The following OTUD7A variants were observed in gnomAD, a reference collection of about 807,000 sequenced individuals.
OTUD7A encodes the protein OTU deubiquitinase 7A.
In OTUD7A, 12 loss-of-function variants were observed where a neutral mutation model predicts 65.7. The observed-to-expected ratio is 0.18, with a 90% confidence interval of 0.12 to 0.30. The LOEUF (loss-of-function observed/expected upper bound fraction) is 0.30. Among genes scored for constraint, OTUD7A ranks in the 10% least tolerant of loss-of-function variants. The pLI is 1.00. For synonymous variants in OTUD7A, 641 were observed against 586.3 expected (o/e 1.09, Z -1.35); for missense variants, 1,148 against 1,304.8 (o/e 0.88, Z 1.85).
intron 1 of OTUD7A, among the ~76,000 whole-genome samples, chr15:31,829,618 G>T (rs187936855): frequency 6.6e-6 from 1 of 152,286 alleles, no homozygotes; most frequent in East Asian, 1.9e-4. Context: ...CTGTCTGTGT[G>T]GACCAATGCC....
chr15:31,748,501 C>T (rs999143064), intron 1 of OTUD7A, among the ~76,000 whole-genome samples: 3 of 151,520 alleles, frequency 2.0e-5, no homozygotes, highest in African/African-American at 7.3e-5. Flanking sequence ...AAAAGGTATA[C>T]AGTTGCAATT....
chr15:31,587,945 C>A (rs953317496), intron 3 of OTUD7A, among the ~76,000 whole-genome samples: 1 of 152,038 alleles, frequency 6.6e-6, no homozygotes, highest in Admixed American at 6.6e-5. Flanking sequence ...TGAGCTATCA[C>A]CTCATCAGAA....
At chr15:31,687,814 A>G (rs1892872990) in intron 1 of OTUD7A, among the ~76,000 whole-genome samples, 1 of 152,236 alleles carries the variant, frequency 6.6e-6, no homozygotes, top group Non-Finnish European at 1.5e-5. Flanking sequence ...AATAACAACC[A>G]TCAAGGGATG....
At chr15:31,851,191 G>A (rs972612914) in intron 1 of OTUD7A, among the ~76,000 whole-genome samples, 6 of 152,216 alleles carry the variant, frequency 3.9e-5, no homozygotes, top group Non-Finnish European at 5.9e-5. Context: ...TTTTAAAGTG[G>A]ATTTGACATG....
At chr15:31,673,510 A>C (rs1405406971) in intron 1 of OTUD7A, among the ~76,000 whole-genome samples, 1 of 152,208 alleles carries the variant, frequency 6.6e-6, no homozygotes, top group Non-Finnish European at 1.5e-5. Flanking sequence ...CTTGACTGAC[A>C]ATTCTAAACC....
intron 1 of OTUD7A, among the ~76,000 whole-genome samples, chr15:31,699,367 T>C (rs1400389530): frequency 1.3e-5 from 2 of 152,140 alleles, no homozygotes; most frequent in African/African-American, 4.8e-5. Context: ...GCGTGAGCCA[T>C]CACGCTCAGC....
At chr15:31,801,946 G>A (rs1376165226) in intron 1 of OTUD7A, among the ~76,000 whole-genome samples, 1 of 152,060 alleles carries the variant, frequency 6.6e-6, no homozygotes, top group Non-Finnish European at 1.5e-5. Flanking sequence ...TTACACTCAA[G>A]TGACACTACT....
chr15:31,865,871 C>A (rs1007950796), intron 1 of OTUD7A, among the ~76,000 whole-genome samples: 2 of 152,140 alleles, frequency 1.3e-5, no homozygotes, highest in Admixed American at 6.5e-5. Context: ...AATGAATTTC[C>A]AAGGTCTAAT....
intron 1 of OTUD7A, among the ~76,000 whole-genome samples, chr15:31,836,360 T>A (rs1286144260): frequency 6.6e-6 from 1 of 152,222 alleles, no homozygotes; most frequent in Non-Finnish European, 1.5e-5. Flanking sequence ...TCAGTTCTTC[T>A]GAAGTACTCT....
At chr15:31,804,039 G>C (rs1896205141) in intron 1 of OTUD7A, among the ~76,000 whole-genome samples, 1 of 152,122 alleles carries the variant, frequency 6.6e-6, no homozygotes, top group Admixed American at 6.5e-5. Flanking sequence ...GGATGACAGG[G>C]GGGATGAAAC....
At chr15:31,821,211 C>T (rs1444706527) in intron 1 of OTUD7A, among the ~76,000 whole-genome samples, 4 of 145,818 alleles carry the variant, frequency 2.7e-5, no homozygotes, top group African/African-American at 1.0e-4. Flanking sequence ...TCTCAGCTCA[C>T]TGCAACCTCC....
intron 8 of OTUD7A, among the ~76,000 whole-genome samples, chr15:31,514,325 A>G (rs1395203147): frequency 6.6e-6 from 1 of 152,100 alleles, no homozygotes; most frequent in Non-Finnish European, 1.5e-5. Flanking sequence ...TGCTGGGATT[A>G]CAGGTGTGAG....
At position 31,483,310 on chromosome 15, in the gene OTUD7A, C is replaced by T. The variant is rs1250982443; in HGVS notation, c.2786G>A (p.Arg929His). The part of the protein sequence containing the change: ...REELRRRREA[R>H]GARP ...CCGCGCCGCTCAGGGCCGGGCCCCGCGCGCCTCGCGCCGCCGCCGCAGCTC... is the reference window on the plus strand; with the variant it reads ...CCGCGCCGCTCAGGGCCGGGCCCCGTGCGCCTCGCGCCGCCGCCGCAGCTC... Residue 929 changes from arginine (R) to histidine (H), a missense_variant, in exon 13 of 13, where the codon CGC (arginine) becomes CAC (histidine). Coordinates refer to ENST00000307050, the MANE Select transcript of OTUD7A (RefSeq NM_001382637.1). 2 of 1,189,672 alleles carry T rather than the reference C, an allele frequency of 1.7e-6. No homozygotes were observed. The highest frequency in any genetic ancestry group is 1.6e-5 in the African/African-American group (1 of 61,180). 73.7% of individuals were successfully genotyped at this position (1,189,672 alleles called of 1,614,324 possible).
At chr15:31,681,147 T>C (rs1422024438) in intron 1 of OTUD7A, among the ~76,000 whole-genome samples, 1 of 151,538 alleles carries the variant, frequency 6.6e-6, no homozygotes, top group Non-Finnish European at 1.5e-5. Flanking sequence ...CGTATGTATC[T>C]ATCTTTCTTA....
intron 1 of OTUD7A, among the ~76,000 whole-genome samples, chr15:31,737,800 C>G (rs1312639352): frequency 6.6e-6 from 1 of 152,218 alleles, no homozygotes; most frequent in African/African-American, 2.4e-5. Context: ...AGAAATTAGA[C>G]TGGATTTGCT....
At chr15:31,519,648 A>G (rs1224670076) in intron 8 of OTUD7A, among the ~76,000 whole-genome samples, 8 of 152,238 alleles carry the variant, frequency 5.3e-5, no homozygotes, top group African/African-American at 1.2e-4. Flanking sequence ...AAGTACCCAC[A>G]GCGCAGTCAG....
intron 3 of OTUD7A, among the ~76,000 whole-genome samples, chr15:31,597,371 A>G (rs983504946): frequency 6.6e-6 from 1 of 151,910 alleles, no homozygotes; most frequent in Admixed American, 6.6e-5. Flanking sequence ...TTTTCCCTCC[A>G]TGCCTTCTTC....
At chr15:31,634,168 C>T (rs1412294583) in intron 3 of OTUD7A, among the ~76,000 whole-genome samples, 3 of 152,162 alleles carry the variant, frequency 2.0e-5, no homozygotes, top group Admixed American at 6.5e-5. Flanking sequence ...AGAAGTACCC[C>T]GTGAAGGCAC....
chr15:31,828,883 T>A (rs1370780148), intron 1 of OTUD7A, among the ~76,000 whole-genome samples: 1 of 152,144 alleles, frequency 6.6e-6, no homozygotes, highest in Admixed American at 6.5e-5. Flanking sequence ...GGCCAGAAGA[T>A]GTACACTATG....
Sources: allele counts gnomAD v4.1 joint callset (sites outside exome capture counted in the v4.1 genomes callset), GRCh38; gene constraint gnomAD v4.1.1; transcripts MANE v1.5; gene names NCBI Gene and HGNC (gene_info 2026-07-23, HGNC 2026-07-21).